The following PTPRT variants were observed in gnomAD, a reference collection of about 807,000 sequenced individuals.
PTPRT encodes protein tyrosine phosphatase receptor type T.
A neutral mutation model predicts 176.8 loss-of-function variants in PTPRT; 56 were observed. That is an observed-to-expected ratio of 0.32 (90% confidence interval 0.26 to 0.40). PTPRT has a LOEUF of 0.40. Ranked by LOEUF, PTPRT falls within the 10% of genes least tolerant of loss-of-function variation. The pLI is 1.00. For missense variants in PTPRT, 1,540 were observed against 1,908.2 expected, an observed-to-expected ratio of 0.81 and a Z score of 3.60; for synonymous variants, 783 against 739.0, an observed-to-expected ratio of 1.06 and a Z score of -0.96.
intron 11 of PTPRT, among the ~76,000 whole-genome samples, chr20:42,321,618 A>C (rs975123279): frequency 6.6e-6 from 1 of 152,080 alleles, no homozygotes; most frequent in African/African-American, 2.4e-5. Context: ...TATTTCTTCC[A>C]CAGCTTTTAT....
Position 42,373,428 on chromosome 20 carries a change from C to G in PTPRT, c.1561-21143G>C, listed in dbSNP as rs556937713. ...AATATTTAGATTTTTTATTTGTAAA[C>G]TGACAGGATCCTATCATTGACAAGA... is the stretch of plus-strand genomic sequence containing the variant. On this transcript the variant is annotated intron_variant, in intron 9 of 30. Coordinates refer to ENST00000373187, the MANE Select transcript of PTPRT (RefSeq NM_007050.6). Among the ~76,000 whole-genome samples, 7 of 152,280 alleles carry G rather than the reference C, an allele frequency of 4.6e-5. No individual in the cohort carries two copies. In the East Asian group the frequency reaches 1.4e-3, roughly 29 times the overall value.
intron 7 of PTPRT, among the ~76,000 whole-genome samples, chr20:42,578,661 T>C (rs922392908): frequency 2.6e-5 from 4 of 152,098 alleles, no homozygotes; most frequent in African/African-American, 9.7e-5. Flanking sequence ...GATCTTAAAA[T>C]ATATCCAGAA....
chr20:42,334,708 A>G (rs1176039589), intron 11 of PTPRT, among the ~76,000 whole-genome samples: 1 of 152,266 alleles, frequency 6.6e-6, no homozygotes, highest in African/African-American at 2.4e-5. Context: ...GCATAGGCTC[A>G]GGAATCAGCA....
At chr20:42,104,513 TGTTA>T in intron 25 of PTPRT, 52 bp downstream of exon 25, 1 of 1,510,288 alleles carries the variant, frequency 6.6e-7, no homozygotes, top group Non-Finnish European at 9.1e-7. Flanking sequence ...TATGGAAATT[TGTTA>T]TAACAACCCA....
At chr20:43,087,664 C>T (rs2011652856) in intron 1 of PTPRT, among the ~76,000 whole-genome samples, 1 of 152,082 alleles carries the variant, frequency 6.6e-6, no homozygotes, top group African/African-American at 2.4e-5. Context: ...GCACCTTGCC[C>T]ACATTGTTCT....
chr20:42,184,737 C>T (rs1990701346), intron 16 of PTPRT, among the ~76,000 whole-genome samples: 1 of 151,156 alleles, frequency 6.6e-6, no homozygotes, highest in South Asian at 2.1e-4. Flanking sequence ...AAGTGATTCT[C>T]CTGCCTCAGC....
chr20:42,493,602 A>G (rs2071599007), intron 7 of PTPRT, among the ~76,000 whole-genome samples: 1 of 152,082 alleles, frequency 6.6e-6, no homozygotes, highest in South Asian at 2.1e-4. Context: ...CCAGGGCCTA[A>G]GGTCCTAATC....
At position 42,738,892 on chromosome 20, in the gene PTPRT, T is replaced by C. The variant is rs149570224; in HGVS notation, c.859+17570A>G. On this transcript the variant is annotated intron_variant, in intron 6 of 30. Coordinates refer to ENST00000373187, the MANE Select transcript of PTPRT (RefSeq NM_007050.6). Reference sequence around the variant, plus strand: ...TTTGAGACTAGCCTGGGCAACATGATGAAACCTTGTCTCTCCAAAGAATAT... The same window carrying C: ...TTTGAGACTAGCCTGGGCAACATGACGAAACCTTGTCTCTCCAAAGAATAT... 4.7e-3 allele frequency among the ~76,000 whole-genome samples: 717 copies of C among 152,226 alleles called. 7 individuals carry two copies. Among genetic ancestry groups the C allele is most frequent in the African/African-American group, 0.017 (691 of 41,538 alleles).
chr20:43,146,247 A>C lies in PTPRT; in HGVS notation c.88+43399T>G, dbSNP rs2014164078. Among the ~76,000 whole-genome samples the C allele has an allele frequency of 2.0e-5, 3 of 152,220 alleles. No individual in the cohort carries two copies. In the South Asian group the frequency reaches 6.2e-4, roughly 31 times the overall value. ...ATGGATGACGCTGAGACAATAAATC[A>C]CTTTGAGCTAACACAATATGCCAAC... On this transcript the variant is annotated intron_variant, in intron 1 of 30. Coordinates refer to ENST00000373187, the MANE Select transcript of PTPRT (RefSeq NM_007050.6).
chr20:42,527,224 A>G (rs185343535), intron 7 of PTPRT, among the ~76,000 whole-genome samples: 32 of 151,812 alleles, frequency 2.1e-4, no homozygotes, highest in African/African-American at 7.7e-4. Context: ...CGGCCTCCCA[A>G]AGTGCTGGGA....
intron 5 of PTPRT, among the ~76,000 whole-genome samples, chr20:42,762,308 A>G (rs2076926406): frequency 6.6e-6 from 1 of 152,182 alleles, no homozygotes; most frequent in Non-Finnish European, 1.5e-5. Flanking sequence ...GTAATTTAGG[A>G]GGTCTGGGGT....
rs918135603 is a variant in PTPRT at position 42,208,584 on chromosome 20, G to A, written c.2343-9196C>T. ...AATGGTAAAGGGATCAATTCAACAA[G>A]AAGAGCTAACTATCCTAAATATATA... On this transcript the variant is annotated intron_variant, in intron 15 of 30. Transcript: ENST00000373187. Among the ~76,000 whole-genome samples the A allele has an allele frequency of 5.9e-5, 9 of 152,062 alleles. 2 individuals carry two copies. The highest frequency in any genetic ancestry group is 2.6e-4 in the Admixed American group (4 of 15,266).
At chr20:42,853,541 T>C (rs939600492) in intron 2 of PTPRT, among the ~76,000 whole-genome samples, 2 of 152,170 alleles carry the variant, frequency 1.3e-5, no homozygotes. Context: ...TGCCCATGCA[T>C]AGGAGAAGAG....
chr20:42,367,505 AG>A lies in PTPRT; in HGVS notation c.1561-15221del, dbSNP rs547500637. Among the ~76,000 whole-genome samples the A allele has an allele frequency of 1.7e-3, 253 of 152,320 alleles. 2 individuals carry two copies. The highest frequency in any genetic ancestry group is 4.7e-3 in the African/African-American group (197 of 41,576). On this transcript the variant is annotated intron_variant, in intron 9 of 30. Coordinates refer to ENST00000373187, the MANE Select transcript of PTPRT (RefSeq NM_007050.6). ...TCCTAGAGTTTACCTTCTAGTTACTAGGAAGGTGAGAGGAGGGGAGAAAAAT... is the reference window on the plus strand; with the variant it reads ...TCCTAGAGTTTACCTTCTAGTTACTAGAAGGTGAGAGGAGGGGAGAAAAAT...
chr20:43,177,457 T>C (rs1340554301), intron 1 of PTPRT, among the ~76,000 whole-genome samples: 1 of 152,170 alleles, frequency 6.6e-6, no homozygotes, highest in Non-Finnish European at 1.5e-5. Context: ...AAAAGGATGC[T>C]CTCAAATTAG....
intron 1 of PTPRT, among the ~76,000 whole-genome samples, chr20:42,924,355 T>C (rs907981084): frequency 1.9e-4 from 29 of 152,188 alleles, no homozygotes; most frequent in African/African-American, 6.8e-4. Flanking sequence ...CCTTCTATTC[T>C]GGTAATGGAT....
At chr20:42,092,181 C>T (rs933488066) in intron 27 of PTPRT, among the ~76,000 whole-genome samples, 3 of 152,122 alleles carry the variant, frequency 2.0e-5, no homozygotes, top group Non-Finnish European at 4.4e-5. Flanking sequence ...CTAGTGAGAG[C>T]TGAGGAGGCA....
At chr20:42,517,330 A>C (rs1389433874) in intron 7 of PTPRT, among the ~76,000 whole-genome samples, 1 of 151,972 alleles carries the variant, frequency 6.6e-6, no homozygotes, top group Non-Finnish European at 1.5e-5. Flanking sequence ...ATTATCTTTT[A>C]CATCACTGAT....
At chr20:42,118,946 G>A (rs1987435233) in intron 20 of PTPRT, among the ~76,000 whole-genome samples, 1 of 142,018 alleles carries the variant, frequency 7.0e-6, no homozygotes, top group African/African-American at 2.6e-5. Context: ...AACAAAAACA[G>A]GAGATGCCTG....
Sources: allele counts gnomAD v4.1 joint callset (sites outside exome capture counted in the v4.1 genomes callset), GRCh38; gene constraint gnomAD v4.1.1; transcripts MANE v1.5; gene names NCBI Gene and HGNC (gene_info 2026-07-23, HGNC 2026-07-21).